Variants in UBE2E2 observed in about 807,000 individuals in gnomAD.
The protein encoded by UBE2E2 is ubiquitin-conjugating enzyme E2 E2.
UBE2E2 carries 6 observed loss-of-function variants against 24.7 expected under a neutral mutation model. The ratio of observed to expected loss-of-function variants is 0.24; its 90% confidence interval spans 0.13 to 0.48. UBE2E2 has a LOEUF of 0.48. UBE2E2 is among the 20% of genes least tolerant of loss of function. The pLI is 0.99. For synonymous variants in UBE2E2, 104 were observed against 83.6 expected (o/e 1.24, Z -1.33); for missense variants, 169 against 245.0 (o/e 0.69, Z 2.07).
chr3:23,306,814 G>C (rs572201945), intron 3 of UBE2E2, among the ~76,000 whole-genome samples: 1 of 152,226 alleles, frequency 6.6e-6, no homozygotes, highest in South Asian at 2.1e-4. Context: ...TGCATGATGT[G>C]CAGAAATTTT....
chr3:23,213,123 G>A (rs1007634465), intron 2 of UBE2E2, among the ~76,000 whole-genome samples: 9 of 152,018 alleles, frequency 5.9e-5, no homozygotes, highest in African/African-American at 2.2e-4. Flanking sequence ...GAGATGAAGG[G>A]TTTTAAAAAA....
intron 4 of UBE2E2, among the ~76,000 whole-genome samples, chr3:23,522,850 A>C (rs1376639170): frequency 6.6e-6 from 1 of 152,202 alleles, no homozygotes; most frequent in Admixed American, 6.5e-5. Context: ...ATGCAAATGC[A>C]AAACATTCCA....
At position 23,590,073 on chromosome 3, in the gene UBE2E2, T is replaced by G. The variant is rs963190849; in HGVS notation, c.*242T>G. 9 of 424,216 alleles carry G rather than the reference T, an allele frequency of 2.1e-5. No homozygotes were observed. Among genetic ancestry groups the G allele is most frequent in the Non-Finnish European group, 4.2e-6 (1 of 238,108 alleles). 26.3% of individuals were successfully genotyped at this position (424,216 alleles called of 1,614,324 possible). On this transcript the variant is annotated 3_prime_UTR_variant, in exon 6 of 6. Transcript: ENST00000396703. ...GTTGATTTCTGTTAACTTGAAAGAT[T>G]TGGGATTTTTTCCCACCTCATCATA...
chr3:23,271,218 C>A, intron 3 of UBE2E2: 1 of 380,524 alleles, frequency 2.6e-6, no homozygotes, highest in Non-Finnish European at 5.1e-6. Flanking sequence ...AGCCACGGAC[C>A]CTCGCGGTGA....
chr3:23,539,161 C>T (rs1228519492), intron 5 of UBE2E2, among the ~76,000 whole-genome samples: 1 of 152,124 alleles, frequency 6.6e-6, no homozygotes, highest in Non-Finnish European at 1.5e-5. Context: ...CAAGGATTTC[C>T]TATTTAGCCC....
chr3:23,533,617 G>GTA (rs1553618670), intron 5 of UBE2E2, among the ~76,000 whole-genome samples: 2 of 100,096 alleles, frequency 2.0e-5, no homozygotes, highest in Non-Finnish European at 3.9e-5. Flanking sequence ...TAGCAAATTA[G>GTA]TATTTTTTTT....
intron 3 of UBE2E2, among the ~76,000 whole-genome samples, chr3:23,466,849 G>A (rs1173754096): frequency 6.6e-6 from 1 of 151,974 alleles, no homozygotes; most frequent in Non-Finnish European, 1.5e-5. Flanking sequence ...TTACAGGCAT[G>A]AGCCACCGCA....
At position 23,589,755 on chromosome 3, in the gene UBE2E2, T is replaced by G; in HGVS notation, c.530T>G (p.Ile177Ser). Residue 177 changes from isoleucine to serine, a missense_variant, in exon 6 of 6, where the codon ATC becomes AGC. Around this residue, in one of 2 missense-constraint regions of UBE2E2, gnomAD observed 105 missense variants for 180.7 expected, o/e 0.58. Coordinates refer to ENST00000396703, the MANE Select transcript of UBE2E2 (RefSeq NM_152653.4). This position sits in a 1 kb window ranked among gnomAD's most constrained non-coding sequence, Gnocchi z 4.1. ...CNPADPLVGS[I>S]ATQYMTNRAE... The stretch of plus-strand genomic sequence containing the variant: ...GCAGCTGACCCTCTGGTGGGCAGCA[T>G]CGCCACACAGTACATGACCAACAGA... 6.2e-7 allele frequency: 1 copy of G among 1,614,122 alleles called. No individual in the cohort carries two copies. The highest frequency in any genetic ancestry group is 8.5e-7 in the Non-Finnish European group (1 of 1,179,980).
At chr3:23,245,817 GA>G (rs1181608378) in intron 3 of UBE2E2, among the ~76,000 whole-genome samples, 1 of 152,124 alleles carries the variant, frequency 6.6e-6, no homozygotes, top group Admixed American at 6.5e-5. Flanking sequence ...TTTGTAAAAT[GA>G]AGAAAAACCA....
intron 3 of UBE2E2, among the ~76,000 whole-genome samples, chr3:23,477,577 G>C (rs764429154): frequency 6.6e-6 from 1 of 152,230 alleles, no homozygotes; most frequent in African/African-American, 2.4e-5. Flanking sequence ...CCAACATATA[G>C]AGGGATCTTA....
chr3:23,589,881 G>A lies in UBE2E2; in HGVS notation c.*50G>A. Reference sequence around the variant, plus strand: ...GGACCTGTGCAAGCACATTCACCAAGTGCATCGGTAGCCCTGCCCACCCCT... The same window carrying A: ...GGACCTGTGCAAGCACATTCACCAAATGCATCGGTAGCCCTGCCCACCCCT... On this transcript the variant is annotated 3_prime_UTR_variant, in exon 6 of 6. Transcript: ENST00000396703. This position sits in a 1 kb window ranked among gnomAD's most constrained non-coding sequence, Gnocchi z 4.1. The A allele has an allele frequency of 6.3e-7, 1 of 1,583,362 alleles. No homozygotes were observed.
At chr3:23,300,764 G>T (rs1699054232) in intron 3 of UBE2E2, among the ~76,000 whole-genome samples, 1 of 151,880 alleles carries the variant, frequency 6.6e-6, no homozygotes, top group African/African-American at 2.4e-5. Flanking sequence ...TATGTGTCTT[G>T]GAGTTGCTCT....
intron 3 of UBE2E2, among the ~76,000 whole-genome samples, chr3:23,362,021 C>G (rs187509498): frequency 4.6e-5 from 7 of 152,174 alleles, no homozygotes; most frequent in Admixed American, 3.3e-4. Flanking sequence ...CATAAAAAAG[C>G]TCCTTAAAAC....
chr3:23,455,178 C>A (rs954136143), intron 3 of UBE2E2, among the ~76,000 whole-genome samples: 5 of 152,160 alleles, frequency 3.3e-5, no homozygotes, highest in Non-Finnish European at 7.4e-5. Flanking sequence ...TATAATTAAG[C>A]AGCTTGACTA....
At chr3:23,551,233 AAAAT>A (rs1695635393) in intron 5 of UBE2E2, among the ~76,000 whole-genome samples, 8 of 152,236 alleles carry the variant, frequency 5.3e-5, no homozygotes, top group Admixed American at 5.2e-4. Context: ...AACCAGTTGA[AAAAT>A]AAATAAAAAT....
At chr3:23,294,675 A>G (rs1333935665) in intron 3 of UBE2E2, among the ~76,000 whole-genome samples, 4 of 134,132 alleles carry the variant, frequency 3.0e-5, no homozygotes, top group South Asian at 4.7e-4. Context: ...AAATAAATAT[A>G]ATATTTATTT....
At chr3:23,505,634 C>A (rs1694429726) in intron 4 of UBE2E2, among the ~76,000 whole-genome samples, 2 of 152,272 alleles carry the variant, frequency 1.3e-5, no homozygotes, top group South Asian at 4.1e-4. Context: ...TATTCAAAAT[C>A]TTTTAAAATA....
chr3:23,380,086 T>TAAAAAA (rs10559253), intron 3 of UBE2E2, among the ~76,000 whole-genome samples: 5 of 136,310 alleles, frequency 3.7e-5, no homozygotes, highest in African/African-American at 1.1e-4. Flanking sequence ...TTGATTACTG[T>TAAAAAA]AAAAAAAAAA....
intron 3 of UBE2E2, among the ~76,000 whole-genome samples, chr3:23,244,267 A>G (rs758297598): frequency 6.6e-6 from 1 of 152,188 alleles, no homozygotes; most frequent in Non-Finnish European, 1.5e-5. Flanking sequence ...AGACTAAATG[A>G]TCTTTTATAA....
Sources: gnomAD v4.1 joint callset for allele counts (sites outside exome capture counted in the v4.1 genomes callset) on GRCh38, gnomAD v4.1.1 for gene constraint, gnomAD v4.1.1 regional missense constraint, Gnocchi (gnomAD v3.1) non-coding constraint, MANE v1.5 for transcripts, NCBI Gene and HGNC (gene_info 2026-07-23, HGNC 2026-07-21) for gene names.